Variants in ATAD2B observed in about 807,000 individuals in gnomAD.
ATAD2B encodes ATPase family AAA domain-containing protein 2B.
In ATAD2B, 40 loss-of-function variants were observed where a neutral mutation model predicts 167.6. That is an observed-to-expected ratio of 0.24 (90% CI 0.19 to 0.31). ATAD2B has a LOEUF of 0.31. Among genes scored for constraint, ATAD2B ranks in the 10% least tolerant of loss-of-function variants. The pLI is 1.00. For missense variants in ATAD2B, 1,242 were observed against 1,757.2 expected (o/e 0.71, Z 5.24); for synonymous variants, 579 against 596.5 (o/e 0.97, Z 0.43).
chr2:23,797,614 T>C (rs1682821244), intron 19 of ATAD2B, among the ~76,000 whole-genome samples: 1 of 152,150 alleles, frequency 6.6e-6, no homozygotes, highest in African/African-American at 2.4e-5. Context: ...TTCAAACCTT[T>C]TCAGATTTTA....
At chr2:23,797,596 T>C (rs1682819255) in intron 19 of ATAD2B, among the ~76,000 whole-genome samples, 1 of 152,116 alleles carries the variant, frequency 6.6e-6, no homozygotes, top group African/African-American at 2.4e-5. Flanking sequence ...ACCAGATGTG[T>C]TTCAGATTTC....
chr2:23,709,639 CA>C, the ATAD2B span, among the ~76,000 whole-genome samples: 310 of 103,262 alleles, frequency 3.0e-3, no homozygotes, highest in Middle Eastern at 0.012. Context: ...GTCTCCTTGC[CA>C]AAAAAAAAAA....
chr2:23,724,341 T>C, the ATAD2B span, among the ~76,000 whole-genome samples: 1 of 152,230 alleles, frequency 6.6e-6, no homozygotes. Flanking sequence ...CTGATCACCA[T>C]ACATTGTATG....
chr2:23,719,810 G>A, the ATAD2B span, among the ~76,000 whole-genome samples: 2 of 152,206 alleles, frequency 1.3e-5, no homozygotes, highest in African/African-American at 4.8e-5. Context: ...AAATATCCCT[G>A]AGGACTGGCA....
chr2:23,771,101 CTGTT>C (rs1322359094), intron 22 of ATAD2B, among the ~76,000 whole-genome samples: 2 of 152,022 alleles, frequency 1.3e-5, no homozygotes, highest in African/African-American at 4.8e-5. Context: ...TTTCAATTTC[CTGTT>C]TGTTGCTAGT....
intron 1 of ATAD2B, among the ~76,000 whole-genome samples, chr2:23,921,888 T>C (rs1185806079): frequency 6.6e-6 from 1 of 152,198 alleles, no homozygotes; most frequent in East Asian, 1.9e-4. Flanking sequence ...ATCTGAGAGT[T>C]ACACACATTA....
At chr2:23,814,424 C>T (rs1345387934) in intron 17 of ATAD2B, among the ~76,000 whole-genome samples, 2 of 152,042 alleles carry the variant, frequency 1.3e-5, no homozygotes, top group African/African-American at 2.4e-5. Context: ...ATAAGGGGTA[C>T]TGTTTAAGTA....
At chr2:23,717,440 A>C in the ATAD2B span, among the ~76,000 whole-genome samples, 46 of 152,262 alleles carry the variant, frequency 3.0e-4, no homozygotes, top group Middle Eastern at 0.017. Flanking sequence ...ATTACCAGGG[A>C]GAGAATCTGA....
intron 1 of ATAD2B, among the ~76,000 whole-genome samples, chr2:23,912,789 G>A (rs1241496181): frequency 6.6e-6 from 1 of 152,038 alleles, no homozygotes; most frequent in Admixed American, 6.6e-5. Flanking sequence ...TTAAGAGTTC[G>A]AGACTAGCCT....
At chr2:23,682,129 T>C in the ATAD2B span, among the ~76,000 whole-genome samples, 5 of 152,208 alleles carry the variant, frequency 3.3e-5, no homozygotes, top group Admixed American at 1.3e-4. This position sits in a 1 kb window ranked among gnomAD's most constrained non-coding sequence, Gnocchi z 4.1. Context: ...CCCACTTCCT[T>C]CCTGCACTGA....
In ATAD2B at chr2:23,926,680, CCCCAGGCTCTGCTCCGGCCCCAGG is replaced by C; in HGVS notation, c.67_90del (p.Pro23_Gly30del). On this transcript the variant is annotated inframe_deletion, in exon 1 of 28. Coordinates refer to ENST00000238789, the MANE Select transcript of ATAD2B (RefSeq NM_017552.4). ...ATGAAATGGCTGCTGCCTCCGGTCG[CCCCAGGCTCTGCTCCGGCCCCAGG>C]CCCAGGCCCGGGACCAGGAGACTTG... 1.3e-6 allele frequency: 2 copies of C among 1,554,712 alleles called. No individual in the cohort carries two copies. The highest frequency in any genetic ancestry group is 1.7e-6 in the Non-Finnish European group (2 of 1,149,758).
chr2:23,728,772 A>T, the ATAD2B span, among the ~76,000 whole-genome samples: 1 of 152,208 alleles, frequency 6.6e-6, no homozygotes, highest in African/African-American at 2.4e-5. Flanking sequence ...TTGGGGAATT[A>T]AAAAAATTCC....
At chr2:23,848,196 A>G (rs972334411) in intron 13 of ATAD2B, among the ~76,000 whole-genome samples, 4 of 152,212 alleles carry the variant, frequency 2.6e-5, no homozygotes, top group Non-Finnish European at 5.9e-5. Flanking sequence ...AAAAGTTTTT[A>G]AAGTTTTAAA....
the ATAD2B span, chr2:23,697,230 G>C: frequency 1.3e-5 from 2 of 152,318 alleles, no homozygotes; most frequent in African/African-American, 4.8e-5. Flanking sequence ...GTGGGCTGAA[G>C]TGGGTGCTTC....
At chr2:23,740,081 T>C in the ATAD2B span, among the ~76,000 whole-genome samples, 1 of 151,872 alleles carries the variant, frequency 6.6e-6, no homozygotes, top group South Asian at 2.1e-4. Context: ...CCAAAAAAAC[T>C]CCAGGACCAG....
At chr2:23,815,351 T>C (rs959905218) in intron 17 of ATAD2B, among the ~76,000 whole-genome samples, 2 of 152,176 alleles carry the variant, frequency 1.3e-5, no homozygotes, top group Non-Finnish European at 2.9e-5. Flanking sequence ...GACTTGGTCA[T>C]TGACTAGACA....
the ATAD2B span, among the ~76,000 whole-genome samples, chr2:23,719,950 G>T: frequency 3.3e-5 from 5 of 152,146 alleles, no homozygotes; most frequent in Admixed American, 3.3e-4. Flanking sequence ...ACGTCCCCTG[G>T]GCACGAGTCC....
the ATAD2B span, among the ~76,000 whole-genome samples, chr2:23,716,579 T>C: frequency 6.6e-6 from 1 of 152,220 alleles, no homozygotes; most frequent in African/African-American, 2.4e-5. Flanking sequence ...ACATTCAGTT[T>C]CTTGATCCTT....
intron 24 of ATAD2B, among the ~76,000 whole-genome samples, chr2:23,760,693 T>TACAC (rs1299852530): frequency 4.0e-5 from 3 of 75,588 alleles, no homozygotes; most frequent in African/African-American, 1.2e-4. Flanking sequence ...AATAAATTTA[T>TACAC]ATATATACAC....
Sources: gnomAD v4.1 joint callset for allele counts (sites outside exome capture counted in the v4.1 genomes callset) on GRCh38, gnomAD v4.1.1 for gene constraint, Gnocchi (gnomAD v3.1) non-coding constraint, MANE v1.5 for transcripts, NCBI Gene and HGNC (gene_info 2026-07-23, HGNC 2026-07-21) for gene names.